COL21A1: variants seen among roughly 807,000 people sequenced by gnomAD.
COL21A1 encodes collagen alpha-1(XXI) chain.
COL21A1 carries 149 observed loss-of-function variants against 137.9 expected under a neutral mutation model. The ratio of observed to expected loss-of-function variants is 1.08; its 90% CI spans 0.95 to 1.24. The LOEUF (loss-of-function observed/expected upper bound fraction) is 1.24. Among genes scored for constraint, COL21A1 ranks in the 50% most tolerant of loss-of-function variants. The pLI, the probability that COL21A1 is intolerant of heterozygous loss-of-function variation, is 0.00. For missense variants in COL21A1, 1,167 were observed against 1,158.4 expected (o/e 1.01, Z -0.11); for synonymous variants, 456 against 391.5 (o/e 1.16, Z -1.95).
At chr6:56,297,478 T>G (rs188092181) in intron 1 of COL21A1, among the ~76,000 whole-genome samples, 1 of 152,218 alleles carries the variant, frequency 6.6e-6, no homozygotes, top group African/African-American at 2.4e-5. Flanking sequence ...AACATACTCA[T>G]TTTTACTTTG....
At chr6:56,066,331 T>C (rs1224162798) in intron 23 of COL21A1, among the ~76,000 whole-genome samples, 1 of 152,018 alleles carries the variant, frequency 6.6e-6, no homozygotes, top group Non-Finnish European at 1.5e-5. Flanking sequence ...GGAACTGTTA[T>C]AATTGTGGAT....
In COL21A1 at chr6:56,299,310, C is replaced by T. The variant is rs184834263; in HGVS notation, c.-39+94661G>A. Reference sequence around the variant, plus strand: ...TTTCAGCTTAATGTATTTTCAAATGCCAAATTGGATTTGAAAAATTGATTT... The same window carrying T: ...TTTCAGCTTAATGTATTTTCAAATGTCAAATTGGATTTGAAAAATTGATTT... On this transcript the variant is annotated intron_variant, in intron 1 of 28. Coordinates refer to the COL21A1 transcript ENST00000370819. Among the ~76,000 whole-genome samples the T allele has an allele frequency of 1.6e-3, 246 of 152,150 alleles. 1 individual carries two copies. Among genetic ancestry groups the T allele is most frequent in the Non-Finnish European group, 2.7e-3 (186 of 67,976 alleles).
At chr6:56,226,251 CT>C (rs1404803890) in intron 1 of COL21A1, among the ~76,000 whole-genome samples, 1 of 151,950 alleles carries the variant, frequency 6.6e-6, no homozygotes, top group Non-Finnish European at 1.5e-5. Context: ...AGTCACTTTG[CT>C]TTCTTCACCT....
chr6:56,235,404 T>C (rs1350800045), intron 1 of COL21A1, among the ~76,000 whole-genome samples: 10 of 151,956 alleles, frequency 6.6e-5, no homozygotes, highest in Non-Finnish European at 7.4e-5. Flanking sequence ...CTTTTCTGAT[T>C]GTTTAATATT....
At chr6:56,228,551 C>T (rs539163802) in intron 1 of COL21A1, among the ~76,000 whole-genome samples, 3 of 140,102 alleles carry the variant, frequency 2.1e-5, no homozygotes, top group African/African-American at 7.9e-5. Flanking sequence ...AAATTAAGCA[C>T]AAATTTCATG....
intron 1 of COL21A1, among the ~76,000 whole-genome samples, chr6:56,324,839 T>C (rs1350070828): frequency 6.6e-6 from 1 of 151,984 alleles, no homozygotes; most frequent in African/African-American, 2.4e-5. Context: ...CTCCTCACCA[T>C]CTATCTTAAA....
intron 12 of COL21A1, among the ~76,000 whole-genome samples, chr6:56,140,827 A>AACT (rs1350111696): frequency 6.6e-6 from 1 of 152,198 alleles, no homozygotes; most frequent in South Asian, 2.1e-4. Flanking sequence ...TAAAATCCAC[A>AACT]ACTGGTCTGA....
chr6:56,324,997 A>C (rs1224338133), intron 1 of COL21A1, among the ~76,000 whole-genome samples: 3 of 151,440 alleles, frequency 2.0e-5, no homozygotes, highest in African/African-American at 7.3e-5. Context: ...AGATCTTGCC[A>C]AGTTTCTCCT....
chr6:56,286,573 CG>C (rs1193418050), intron 1 of COL21A1, among the ~76,000 whole-genome samples: 2 of 152,146 alleles, frequency 1.3e-5, no homozygotes, highest in Non-Finnish European at 2.9e-5. Flanking sequence ...GCATTTAGCA[CG>C]GGGCTGAGCA....
intron 13 of COL21A1, 136 bp from the exon 14 acceptor site, chr6:56,125,756 T>C (rs976142750): frequency 3.2e-6 from 2 of 617,692 alleles, no homozygotes; most frequent in African/African-American, 1.9e-5. Context: ...ATTTAAAGTT[T>C]GCTTTAAAAG....
At chr6:56,143,199 CTTT>C (rs1201380404) in intron 10 of COL21A1, among the ~76,000 whole-genome samples, 39 of 124,524 alleles carry the variant, frequency 3.1e-4, no homozygotes, top group African/African-American at 1.1e-3. Context: ...TACAATTTTT[CTTT>C]TTTTTTTTTT....
chr6:56,259,000 A>G (rs1490061903), intron 1 of COL21A1, among the ~76,000 whole-genome samples: 2 of 152,184 alleles, frequency 1.3e-5, no homozygotes, highest in Non-Finnish European at 2.9e-5. Context: ...AACTAAAAAT[A>G]CCCATTTAAC....
At chr6:56,356,385 C>T (rs1333889027) in intron 1 of COL21A1, among the ~76,000 whole-genome samples, 5 of 152,178 alleles carry the variant, frequency 3.3e-5, no homozygotes, top group Non-Finnish European at 7.3e-5. Context: ...TATTTAGCAA[C>T]ATCCTTGGCC....
intron 1 of COL21A1, among the ~76,000 whole-genome samples, chr6:56,378,577 A>G (rs1282297691): frequency 6.6e-6 from 1 of 152,228 alleles, no homozygotes; most frequent in Admixed American, 6.5e-5. Flanking sequence ...AACACCAGGT[A>G]GACTTCCAAG....
At chr6:56,150,514 TCACACACACACACACACACACA>T (rs747022399) in intron 10 of COL21A1, among the ~76,000 whole-genome samples, 3 of 46,186 alleles carry the variant, frequency 6.5e-5, no homozygotes, top group East Asian at 7.7e-4. Context: ...CGAGACTCCA[TCACACACACACACACACACACA>T]CACACACACA....
chr6:56,246,403 C>A (rs1378805129), intron 1 of COL21A1, among the ~76,000 whole-genome samples: 1 of 152,042 alleles, frequency 6.6e-6, no homozygotes, highest in Non-Finnish European at 1.5e-5. Context: ...ACAAATTCTA[C>A]TGCTTAAAAA....
chr6:56,154,023 T>C (rs1775534083), intron 10 of COL21A1, among the ~76,000 whole-genome samples: 1 of 152,210 alleles, frequency 6.6e-6, no homozygotes, highest in Non-Finnish European at 1.5e-5. Context: ...GTTTGGATGC[T>C]TGCCCCCTTG....
chr6:56,307,688 C>T (rs1190492367), intron 1 of COL21A1, among the ~76,000 whole-genome samples: 8 of 152,144 alleles, frequency 5.3e-5, no homozygotes, highest in Non-Finnish European at 7.4e-5. Context: ...GGCAATGCCT[C>T]GCCCTGCTTG....
intron 10 of COL21A1, among the ~76,000 whole-genome samples, chr6:56,148,807 T>G (rs1231413313): frequency 6.6e-6 from 1 of 152,198 alleles, no homozygotes; most frequent in Non-Finnish European, 1.5e-5. Context: ...AAGTAGCATC[T>G]CTTGTTTGGA....
Sources: gnomAD v4.1 joint callset for allele counts (sites outside exome capture counted in the v4.1 genomes callset) on GRCh38, gnomAD v4.1.1 for gene constraint, MANE v1.5 for transcripts, NCBI Gene and HGNC (gene_info 2026-07-23, HGNC 2026-07-21) for gene names.